DOK6: variants seen among roughly 807,000 people sequenced by gnomAD.
DOK6 encodes docking protein 6, also known as downstream of tyrosine kinase 6.
A neutral mutation model predicts 44.0 loss-of-function variants in DOK6; 22 were observed. The observed-to-expected ratio is 0.50, with a 90% CI of 0.36 to 0.71. DOK6 has a LOEUF of 0.71. Ranked by LOEUF, DOK6 falls within the 30% of genes least tolerant of loss-of-function variation. The pLI, the probability that DOK6 is intolerant of heterozygous loss-of-function variation, is 0.00. For missense variants in DOK6, 340 were observed against 416.4 expected (o/e 0.82, Z 1.60); for synonymous variants, 166 against 145.5 (o/e 1.14, Z -1.01).
intron 2 of DOK6, among the ~76,000 whole-genome samples, chr18:69,594,009 T>C (rs986693803): frequency 1.3e-5 from 2 of 152,166 alleles, no homozygotes; most frequent in African/African-American, 4.8e-5. Context: ...TGTAATAAAA[T>C]TTGTTGTAAA....
At chr18:69,796,151 G>C (rs1427949288) in intron 7 of DOK6, among the ~76,000 whole-genome samples, 1 of 152,174 alleles carries the variant, frequency 6.6e-6, no homozygotes, top group East Asian at 1.9e-4. Context: ...GTTGCTTCAA[G>C]GTGAGCTCAG....
chr18:69,669,831 A>G (rs1028123456), intron 3 of DOK6, among the ~76,000 whole-genome samples: 1 of 152,140 alleles, frequency 6.6e-6, no homozygotes, highest in African/African-American at 2.4e-5. Flanking sequence ...TTCCTTATAT[A>G]TATTTCTCAT....
At chr18:69,565,480 T>C (rs1012038898) in intron 2 of DOK6, among the ~76,000 whole-genome samples, 3 of 11,088 alleles carry the variant, frequency 2.7e-4, no homozygotes, top group African/African-American at 2.3e-4. Flanking sequence ...TCTACGTGTG[T>C]GTGTGTGTGT....
chr18:69,496,005 G>A (rs189114395), intron 1 of DOK6, among the ~76,000 whole-genome samples: 2 of 152,194 alleles, frequency 1.3e-5, no homozygotes, highest in Non-Finnish European at 2.9e-5. Flanking sequence ...TGAAACTTGC[G>A]GGGGGAGATG....
chr18:69,515,633 GA>G (rs1981500321), intron 1 of DOK6, among the ~76,000 whole-genome samples: 1 of 152,100 alleles, frequency 6.6e-6, no homozygotes, highest in Non-Finnish European at 1.5e-5. Flanking sequence ...TTTCTAAAAA[GA>G]AACAACAGGA....
intron 3 of DOK6, among the ~76,000 whole-genome samples, chr18:69,641,677 T>A (rs1404707795): frequency 2.0e-5 from 3 of 152,212 alleles, no homozygotes; most frequent in African/African-American, 7.2e-5. Context: ...GAATGCTGCC[T>A]CAAAATTACT....
At chr18:69,418,916 A>T (rs566457456) in intron 1 of DOK6, among the ~76,000 whole-genome samples, 183 of 152,276 alleles carry the variant, frequency 1.2e-3, no homozygotes, top group Middle Eastern at 0.01. Flanking sequence ...ATGTATTTCA[A>T]TTATTAGCTG....
intron 3 of DOK6, among the ~76,000 whole-genome samples, chr18:69,654,474 A>T (rs1985311963): frequency 6.6e-6 from 1 of 152,144 alleles, no homozygotes; most frequent in Non-Finnish European, 1.5e-5. Context: ...CTGGACTTGA[A>T]TTTTTTGCAT....
chr18:69,424,902 T>C (rs1011488514), intron 1 of DOK6, among the ~76,000 whole-genome samples: 10 of 152,178 alleles, frequency 6.6e-5, no homozygotes. Context: ...AATATTGTGC[T>C]GGATTTACTC....
intron 3 of DOK6, among the ~76,000 whole-genome samples, chr18:69,608,322 C>T (rs1478273674): frequency 6.6e-5 from 10 of 152,140 alleles, no homozygotes; most frequent in Admixed American, 3.3e-4. Context: ...TGACTATATA[C>T]GTGTGGATTC....
intron 1 of DOK6, among the ~76,000 whole-genome samples, chr18:69,427,405 G>GA (rs796679998): frequency 0.46 from 69,227 of 151,534 alleles, 16,202 homozygotes; most frequent in East Asian, 0.63. Context: ...AGAGATCATT[G>GA]TGCAAATCAA....
chr18:69,487,603 G>C (rs1233693967), intron 1 of DOK6, among the ~76,000 whole-genome samples: 1 of 152,142 alleles, frequency 6.6e-6, no homozygotes, highest in African/African-American at 2.4e-5. Flanking sequence ...CTTTGCTGAG[G>C]AATGTTCCAT....
intron 1 of DOK6, among the ~76,000 whole-genome samples, chr18:69,518,307 T>A (rs1273728222): frequency 6.6e-6 from 1 of 152,054 alleles, no homozygotes; most frequent in Non-Finnish European, 1.5e-5. Context: ...TTCCTTCTCT[T>A]TTTTTCCTTC....
rs776456490 is a variant in DOK6, at chr18:69,739,197, G to A, written c.738+94G>A. On this transcript the variant is annotated intron_variant, in intron 6 of 7. Coordinates refer to ENST00000382713, the MANE Select transcript of DOK6 (RefSeq NM_152721.6). ...TATGTGTGGGGCCATTCATGTCAGC[G>A]CCTGGGTGTCCACCCTGCCCTGATC... 4.1e-5 allele frequency: 63 copies of A among 1,531,706 alleles called. 1 individual carries two copies. The Middle Eastern group carries it at 8.3e-4, about 20-fold the overall frequency. 94.9% of individuals were successfully genotyped at this position (1,531,706 alleles called of 1,614,324 possible). A position where few individuals can be genotyped will look rare whatever the true frequency, so the allele number is the denominator to read the frequency against.
At chr18:69,811,544 A>G (rs983481828) in intron 7 of DOK6, among the ~76,000 whole-genome samples, 35 of 23,412 alleles carry the variant, frequency 1.5e-3, no homozygotes, top group Non-Finnish European at 4.6e-3. Flanking sequence ...ATATATATAT[A>G]TATATATATA....
intron 1 of DOK6, among the ~76,000 whole-genome samples, chr18:69,451,078 A>G (rs1428829470): frequency 6.8e-6 from 1 of 148,144 alleles, no homozygotes; most frequent in Non-Finnish European, 1.5e-5. Flanking sequence ...TTTAAATGTA[A>G]ATGGACTAAA....
At chr18:69,548,238 C>T (rs955707370) in intron 1 of DOK6, among the ~76,000 whole-genome samples, 1 of 151,368 alleles carries the variant, frequency 6.6e-6, no homozygotes, top group African/African-American at 2.4e-5. Flanking sequence ...CAGGCGTGAG[C>T]CACCGCGCCT....
intron 1 of DOK6, among the ~76,000 whole-genome samples, chr18:69,545,670 A>G (rs761971395): frequency 1.3e-5 from 2 of 151,448 alleles, no homozygotes; most frequent in Non-Finnish European, 3.0e-5. Flanking sequence ...AGAACTGGAA[A>G]AGACTACTAC....
At chr18:69,653,843 T>TGTAATGTTTCAAAC (rs1985293831) in intron 3 of DOK6, among the ~76,000 whole-genome samples, 3 of 115,632 alleles carry the variant, frequency 2.6e-5, no homozygotes, top group Non-Finnish European at 1.9e-5. Context: ...AAATTATCCC[T>TGTAATGTTTCAAAC]ATAATGTTTC....
Sources: gnomAD v4.1 joint callset for allele counts (sites outside exome capture counted in the v4.1 genomes callset) on GRCh38, gnomAD v4.1.1 for gene constraint, MANE v1.5 for transcripts, NCBI Gene and HGNC (gene_info 2026-07-23, HGNC 2026-07-21) for gene names.